ERBIN: variants seen among roughly 807,000 people sequenced by gnomAD.
ERBIN encodes erbb2 interacting protein.
In ERBIN, 60 loss-of-function variants were observed where a neutral mutation model predicts 158.4. The observed-to-expected ratio is 0.38, with a 90% CI of 0.31 to 0.47. ERBIN has a LOEUF of 0.47. Ranked by LOEUF, ERBIN falls within the 20% of genes least tolerant of loss-of-function variation. The pLI is 0.99. For missense variants in ERBIN, 1,610 were observed against 1,648.0 expected, an observed-to-expected ratio of 0.98 and a Z score of 0.40; for synonymous variants, 594 against 557.2, an observed-to-expected ratio of 1.07 and a Z score of -0.93.
At chr5:66,037,921 A>G (rs9291854) in intron 14 of ERBIN, among the ~76,000 whole-genome samples, 8,760 of 152,180 alleles carry the variant, frequency 0.058, 879 homozygotes, top group African/African-American at 0.2. Context: ...TGTTTTCATC[A>G]TTCTCTTTTC....
intron 1 of ERBIN, among the ~76,000 whole-genome samples, chr5:65,985,072 T>C (rs903627477): frequency 8.5e-5 from 13 of 152,190 alleles, no homozygotes; most frequent in African/African-American, 1.7e-4. Context: ...GAAACTGTGT[T>C]GGAAAAAGGA....
intron 1 of ERBIN, among the ~76,000 whole-genome samples, chr5:65,941,986 C>T (rs554884969): frequency 1.3e-5 from 2 of 152,234 alleles, no homozygotes; most frequent in South Asian, 2.1e-4. Context: ...GTGATGCGCC[C>T]GCCTCGGCCT....
intron 15 of ERBIN, among the ~76,000 whole-genome samples, chr5:66,039,889 G>A (rs1001824265): frequency 6.6e-6 from 1 of 151,802 alleles, no homozygotes; most frequent in Non-Finnish European, 1.5e-5. Context: ...AGCTGAATAG[G>A]TTTTGCTACA....
At chr5:65,967,393 GTTT>G (rs374877007) in intron 1 of ERBIN, among the ~76,000 whole-genome samples, 1 of 148,892 alleles carries the variant, frequency 6.7e-6, no homozygotes, top group South Asian at 2.1e-4. Context: ...AGGTGTACTA[GTTT>G]TTTTTTTATC....
At chr5:66,017,668 T>C (rs1333796129) in intron 7 of ERBIN, among the ~76,000 whole-genome samples, 4 of 152,176 alleles carry the variant, frequency 2.6e-5, no homozygotes, top group Non-Finnish European at 2.9e-5. Context: ...TTTAGCTTGC[T>C]GTAATCCCAT....
intron 1 of ERBIN, among the ~76,000 whole-genome samples, chr5:65,957,873 G>C (rs1308759416): frequency 6.6e-6 from 1 of 151,362 alleles, no homozygotes; most frequent in Non-Finnish European, 1.5e-5. Flanking sequence ...GGCGGCTGCC[G>C]GGCGGAGGCA....
intron 22 of ERBIN, among the ~76,000 whole-genome samples, chr5:66,073,755 T>G (rs1314682209): frequency 6.6e-6 from 1 of 152,234 alleles, no homozygotes; most frequent in Non-Finnish European, 1.5e-5. Context: ...TCCCATAATT[T>G]CCTTGTCTAT....
In ERBIN at chr5:66,001,185, T is replaced by A. The variant is rs187482488; in HGVS notation, c.307+6321T>A. Among the ~76,000 whole-genome samples the A allele has an allele frequency of 3.9e-5, 6 of 152,294 alleles. No individual in the cohort carries two copies. The East Asian group carries it at 1.2e-3, about 29-fold the overall frequency. On this transcript the variant is annotated intron_variant, in intron 4 of 25. Transcript: ENST00000284037. ...ATTAAAATGTAATTTCATGAAATTA[T>A]TAAAATTTAATAATATAAGCTATTA...
chr5:66,038,275 C>G, intron 14 of ERBIN, 108 bp from the exon 15 acceptor site: 1 of 590,026 alleles, frequency 1.7e-6, no homozygotes, highest in Non-Finnish European at 3.0e-6. Flanking sequence ...TTGTAACCTG[C>G]ACATTGATAC....
chr5:66,030,638 C>A (rs1756772368), intron 14 of ERBIN, among the ~76,000 whole-genome samples: 1 of 149,744 alleles, frequency 6.7e-6, no homozygotes, highest in Non-Finnish European at 1.5e-5. Flanking sequence ...TTAAGACTCA[C>A]TGGAATCTTC....
In ERBIN at chr5:66,044,293, A is replaced by G; in HGVS notation, c.1585A>G (p.Lys529Glu). ...ACATGAAGATCAACAAGATATAAAT[A>G]AAGATGTGGGTGTGAAGGTTAGAAA... is the stretch of plus-strand genomic sequence containing the variant. ...KPHEDQQDINKDVGVKTSEST... is the reference protein window; with the variant it reads ...KPHEDQQDINEDVGVKTSEST... The change falls in exon 17 of 26, where the codon AAA (lysine) becomes GAA (glutamate). Residue 529 changes from lysine to glutamate, a missense_variant. Transcript: ENST00000284037. The G allele has an allele frequency of 6.3e-7, 1 of 1,595,670 alleles. No individual in the cohort carries two copies.
At chr5:66,029,632 G>C (rs1175763517) in intron 14 of ERBIN, among the ~76,000 whole-genome samples, 1 of 152,048 alleles carries the variant, frequency 6.6e-6, no homozygotes, top group East Asian at 1.9e-4. Context: ...TTGAGACAGA[G>C]TCTCGCTCTG....
intron 4 of ERBIN, among the ~76,000 whole-genome samples, chr5:66,000,188 G>C (rs1439313361): frequency 1.3e-5 from 2 of 151,800 alleles, no homozygotes; most frequent in African/African-American, 4.9e-5. Context: ...GTATGTATTG[G>C]GTAAACTTTG....
rs1227760245 is a variant in ERBIN at position 66,050,851 on chromosome 5, T to C, written c.1972T>C (p.Cys658Arg). ...CAATAGCAATCAGAATAACAGCAAT[T>C]GTTCTTCTCCATCTCGGATGTCTGA... ...THNSNQNNSN[C>R]SSPSRMSDSV... The change falls in exon 20 of 26, where the codon TGT becomes CGT. Residue 658 changes from cysteine (C) to arginine (R), a missense_variant. Transcript: ENST00000284037. 6.2e-7 allele frequency: 1 copy of C among 1,603,652 alleles called. No individual in the cohort carries two copies. The highest frequency in any genetic ancestry group is 2.3e-5 in the East Asian group (1 of 44,208).
intron 1 of ERBIN, among the ~76,000 whole-genome samples, chr5:65,942,128 C>A (rs1745128542): frequency 6.6e-6 from 1 of 152,206 alleles, no homozygotes; most frequent in African/African-American, 2.4e-5. Flanking sequence ...TACTCACTCA[C>A]TATCACTGTA....
intron 1 of ERBIN, among the ~76,000 whole-genome samples, chr5:65,941,735 C>T (rs1470121112): frequency 6.6e-6 from 1 of 151,820 alleles, no homozygotes; most frequent in African/African-American, 2.4e-5. Flanking sequence ...TTAACCTTAC[C>T]CTTTCTTGTA....
chr5:66,000,569 T>G (rs764187264), intron 4 of ERBIN, among the ~76,000 whole-genome samples: 1 of 152,152 alleles, frequency 6.6e-6, no homozygotes, highest in Non-Finnish European at 1.5e-5. Context: ...GAAAAGTACT[T>G]AACTGTTCTT....
chr5:65,946,640 A>G (rs1411873819), intron 1 of ERBIN, among the ~76,000 whole-genome samples: 2 of 152,204 alleles, frequency 1.3e-5, no homozygotes, highest in Non-Finnish European at 2.9e-5. Flanking sequence ...TTTCACTGGG[A>G]TAAAAGTATA....
At chr5:65,965,760 C>A (rs1275745962) in intron 1 of ERBIN, among the ~76,000 whole-genome samples, 1 of 152,196 alleles carries the variant, frequency 6.6e-6, no homozygotes, top group Non-Finnish European at 1.5e-5. Flanking sequence ...TGCTCTTCCT[C>A]TGATTCCTCT....
Sources: allele counts gnomAD v4.1 joint callset (sites outside exome capture counted in the v4.1 genomes callset), GRCh38; gene constraint gnomAD v4.1.1; transcripts MANE v1.5; gene names NCBI Gene and HGNC (gene_info 2026-07-23, HGNC 2026-07-21).